ATXN7L1: variants seen among roughly 807,000 people sequenced by gnomAD.
The protein encoded by ATXN7L1 is ataxin 7 like 1.
In ATXN7L1, 15 loss-of-function variants were observed where a neutral mutation model predicts 70.8. The observed-to-expected ratio is 0.21, with a 90% CI of 0.14 to 0.33. The LOEUF (loss-of-function observed/expected upper bound fraction) is 0.33. Among genes scored for constraint, ATXN7L1 ranks in the 10% least tolerant of loss-of-function variants. The pLI, the probability that ATXN7L1 is intolerant of heterozygous loss-of-function variation, is 1.00. For missense variants in ATXN7L1, 975 were observed against 1,097.1 expected (o/e 0.89, Z 1.57); for synonymous variants, 440 against 445.1 (o/e 0.99, Z 0.14).
intron 2 of ATXN7L1, among the ~76,000 whole-genome samples, chr7:105,798,848 A>AG (rs1806380031): frequency 6.6e-6 from 1 of 152,230 alleles, no homozygotes; most frequent in African/African-American, 2.4e-5. Context: ...AAAAAAAGAT[A>AG]GGAATCCCAG....
intron 3 of ATXN7L1, among the ~76,000 whole-genome samples, chr7:105,714,606 G>A (rs756223394): frequency 6.6e-6 from 1 of 152,178 alleles, no homozygotes; most frequent in Non-Finnish European, 1.5e-5. Flanking sequence ...GGTACTCAGA[G>A]CTCTCATATA....
intron 7 of ATXN7L1, among the ~76,000 whole-genome samples, chr7:105,633,224 T>C (rs909868576): frequency 6.6e-6 from 1 of 152,190 alleles, no homozygotes; most frequent in Non-Finnish European, 1.5e-5. Context: ...CACAAATCTT[T>C]TCACAGGAAG....
At chr7:105,815,477 G>T (rs1809049909) in intron 2 of ATXN7L1, among the ~76,000 whole-genome samples, 1 of 152,184 alleles carries the variant, frequency 6.6e-6, no homozygotes, top group African/African-American at 2.4e-5. Flanking sequence ...CTTTTCATTA[G>T]TAACACTGGA....
chr7:105,672,695 C>G (rs1353528016), intron 3 of ATXN7L1, among the ~76,000 whole-genome samples: 1 of 152,194 alleles, frequency 6.6e-6, no homozygotes, highest in African/African-American at 2.4e-5. Context: ...CTGGAAGATT[C>G]TGCTACAGAT....
chr7:105,715,754 A>T (rs1794458390), intron 3 of ATXN7L1, among the ~76,000 whole-genome samples: 1 of 152,244 alleles, frequency 6.6e-6, no homozygotes, highest in Admixed American at 6.5e-5. Flanking sequence ...TTAAAAGTGT[A>T]TCCCCACTGC....
At chr7:105,684,051 T>C (rs1805873425) in intron 3 of ATXN7L1, among the ~76,000 whole-genome samples, 1 of 152,186 alleles carries the variant, frequency 6.6e-6, no homozygotes, top group Non-Finnish European at 1.5e-5. Flanking sequence ...GCAGGCTCCA[T>C]CTGGGGCGGT....
intron 3 of ATXN7L1, among the ~76,000 whole-genome samples, chr7:105,687,949 G>A (rs1361928184): frequency 1.3e-5 from 2 of 152,288 alleles, no homozygotes; most frequent in Non-Finnish European, 2.9e-5. Context: ...ATTCTATATT[G>A]TTCTTCGGTG....
At chr7:105,759,732 C>T (rs1800303543) in intron 3 of ATXN7L1, among the ~76,000 whole-genome samples, 5 of 152,216 alleles carry the variant, frequency 3.3e-5, no homozygotes, top group Non-Finnish European at 4.4e-5. Context: ...GGTTTCTAGG[C>T]CTTATTAAAA....
chr7:105,819,707 CT>C, intron 2 of ATXN7L1: 2 of 908,688 alleles, frequency 2.2e-6, no homozygotes, highest in Non-Finnish European at 3.6e-6. Context: ...GCCCCTACCA[CT>C]TCCGGGCCTC....
At chr7:105,650,648 C>A (rs1799694919) in intron 4 of ATXN7L1, among the ~76,000 whole-genome samples, 3 of 152,204 alleles carry the variant, frequency 2.0e-5, no homozygotes, top group Non-Finnish European at 4.4e-5. Flanking sequence ...CAGAGCTCGA[C>A]AGGGACCCAC....
chr7:105,620,410 T>C (rs2115787419), intron 8 of ATXN7L1, 89 bp from the exon 9 acceptor site: 4 of 1,331,926 alleles, frequency 3.0e-6, no homozygotes, highest in Non-Finnish European at 4.0e-6. Context: ...CATAAAAACA[T>C]ACAAGGGCAC....
intron 2 of ATXN7L1, among the ~76,000 whole-genome samples, chr7:105,800,919 A>C (rs1806717153): frequency 6.6e-6 from 1 of 152,200 alleles, no homozygotes; most frequent in Non-Finnish European, 1.5e-5. Flanking sequence ...AAAGCCAAAG[A>C]CCCTCAAAGG....
chr7:105,751,181 G>A (rs1799168249), intron 3 of ATXN7L1, among the ~76,000 whole-genome samples: 1 of 152,122 alleles, frequency 6.6e-6, no homozygotes, highest in African/African-American at 2.4e-5. Flanking sequence ...TGGAGTATGG[G>A]ATTACTCCAT....
At position 105,876,572 on chromosome 7, in the gene ATXN7L1, C is replaced by G. The variant is rs1819341363; in HGVS notation, c.-14G>C. 6.7e-7 allele frequency: 1 copy of G among 1,492,908 alleles called. No individual in the cohort carries two copies. The allele number at this position is 1,492,908 out of a possible 1,614,324, so 92.5% of individuals were successfully genotyped here. ...CTCCGACGTCATCTTCGGAACGTTC[C>G]GACATTGAGTGTTCTGAAAGGGGGA... is the stretch of plus-strand genomic sequence containing the variant. On this transcript the variant is annotated 5_prime_UTR_variant, in exon 1 of 12. Transcript: ENST00000419735.
intron 2 of ATXN7L1, among the ~76,000 whole-genome samples, 181 bp downstream of exon 2, chr7:105,875,631 C>CG: frequency 8.3e-6 from 1 of 121,050 alleles, no homozygotes. Flanking sequence ...CCCTTTACCC[C>CG]CCCCCCAGTT....
intron 2 of ATXN7L1, among the ~76,000 whole-genome samples, chr7:105,869,099 T>C (rs1241201952): frequency 6.6e-6 from 1 of 152,238 alleles, no homozygotes; most frequent in East Asian, 1.9e-4. Context: ...GGGCTGCACC[T>C]GTAGAGCTTA....
rs908124256 is a variant in ATXN7L1, at chr7:105,614,994, C to G, written c.1518-178G>C. 2.6e-5 allele frequency among the ~76,000 whole-genome samples: 4 copies of G among 152,020 alleles called. No homozygotes were observed. Among genetic ancestry groups the G allele is most frequent in the African/African-American group, 9.7e-5 (4 of 41,384 alleles). On this transcript the variant is annotated intron_variant, in intron 9 of 11. Transcript: ENST00000419735. This position sits in a 1 kb window ranked among gnomAD's most constrained non-coding sequence, Gnocchi z 4.3. ...AGCATGGCCCCTCCTTATGGCACCC[C>G]CCATTGCAACATCCAGCAACCTAAT...
At chr7:105,796,842 C>T (rs1291832660) in intron 2 of ATXN7L1, among the ~76,000 whole-genome samples, 2 of 152,040 alleles carry the variant, frequency 1.3e-5, no homozygotes, top group Admixed American at 6.6e-5. Flanking sequence ...TATTTGTTCC[C>T]CAATTCTAAA....
chr7:105,790,896 C>T (rs983703150), intron 2 of ATXN7L1, among the ~76,000 whole-genome samples: 6 of 152,068 alleles, frequency 3.9e-5, no homozygotes, highest in Non-Finnish European at 8.8e-5. Flanking sequence ...GGTTGAGAAC[C>T]CCCACAAGCC....
Sources: gnomAD v4.1 joint callset for allele counts (sites outside exome capture counted in the v4.1 genomes callset) on GRCh38, gnomAD v4.1.1 for gene constraint, Gnocchi (gnomAD v3.1) non-coding constraint, MANE v1.5 for transcripts, NCBI Gene and HGNC (gene_info 2026-07-23, HGNC 2026-07-21) for gene names.